NCAPG2: variants seen among roughly 807,000 people sequenced by gnomAD.
NCAPG2 encodes condensin-2 complex subunit G2.
In NCAPG2, 53 loss-of-function variants were observed where a neutral mutation model predicts 141.1. The observed-to-expected ratio is 0.38, with a 90% CI of 0.30 to 0.47. The LOEUF is 0.47. NCAPG2 is among the 20% of genes least tolerant of loss of function. The probability of loss-of-function intolerance (pLI) is 0.99; values close to 1 mark genes in which losing one functional copy is unlikely to be tolerated. For missense variants in NCAPG2, 1,087 were observed against 1,389.0 expected (o/e 0.78, Z 3.46); for synonymous variants, 499 against 490.7 (o/e 1.02, Z -0.22).
intron 24 of NCAPG2, among the ~76,000 whole-genome samples, chr7:158,648,846 G>A (rs1016932246): frequency 6.6e-6 from 1 of 151,796 alleles, no homozygotes; most frequent in African/African-American, 2.4e-5. Context: ...CTACAACCAC[G>A]GCAAATGGAC....
In NCAPG2 at chr7:158,664,203, C is replaced by A. The variant is rs777505338; in HGVS notation, c.1796G>T (p.Arg599Met). 1.9e-6 allele frequency: 3 copies of A among 1,611,320 alleles called. No homozygotes were observed. The highest frequency in any genetic ancestry group is 2.5e-6 in the Non-Finnish European group (3 of 1,177,520). The change falls in exon 15 of 28, where the codon AGG becomes ATG. Residue 599 changes from arginine (R) to methionine (M), a missense_variant. Transcript: ENST00000356309. ...ACTCACAGTCACATTCTCCTTCTCC[C>A]TTCCGTCCTCTTCCTCCTCGTCCTC... is the stretch of plus-strand genomic sequence containing the variant. Reference protein sequence around the residue: ...PPEDEEEEDGREKENVTVLDK... With the variant: ...PPEDEEEEDGMEKENVTVLDK...
chr7:158,631,814 C>A, intron 27 of NCAPG2, 97 bp from the exon 28 acceptor site: 1 of 1,031,268 alleles, frequency 9.7e-7, no homozygotes, highest in Non-Finnish European at 1.5e-6. Context: ...TGGTTTGCAA[C>A]CATGCATTTA....
chr7:158,692,294 G>A (rs1157249629), intron 4 of NCAPG2, among the ~76,000 whole-genome samples: 4 of 146,064 alleles, frequency 2.7e-5, no homozygotes, highest in Non-Finnish European at 6.0e-5. Flanking sequence ...GCAACAGGGC[G>A]AGATTCTGTC....
chr7:158,663,384 T>C (rs1307538647), intron 15 of NCAPG2, among the ~76,000 whole-genome samples: 1 of 152,244 alleles, frequency 6.6e-6, no homozygotes, highest in Non-Finnish European at 1.5e-5. Context: ...ATCTATTTCC[T>C]GTATGTTTTT....
chr7:158,687,450 T>C lies in NCAPG2; in HGVS notation c.673-8A>G. 1.3e-6 allele frequency: 2 copies of C among 1,569,492 alleles called. No individual in the cohort carries two copies. Among genetic ancestry groups the C allele is most frequent in the Non-Finnish European group, 1.7e-6 (2 of 1,151,664 alleles). On this transcript the variant is annotated splice_region_variant and splice_polypyrimidine_tract_variant and intron_variant, in intron 6 of 27. Transcript: ENST00000356309. ...ACTAAGAAATCTTCTTCCCTAGAAA[T>C]AAAAAAGGATAGAATGTTTACATTG... is the stretch of plus-strand genomic sequence containing the variant.
At chr7:158,648,400 A>G (rs1052151074) in intron 24 of NCAPG2, among the ~76,000 whole-genome samples, 2 of 152,242 alleles carry the variant, frequency 1.3e-5, no homozygotes, top group Non-Finnish European at 2.9e-5. Flanking sequence ...AAAGAAAAAA[A>G]AACAGAAAGA....
At position 158,660,398 on chromosome 7, in the gene NCAPG2, TTTC is replaced by T. The variant is rs917144386; in HGVS notation, c.1989+1793_1989+1795del. ...CTCAGTCCCAGGTCATTATTTCAGC[TTTC>T]TTTTTTTTTTTTTTTTTTTTTTTTT... On this transcript the variant is annotated intron_variant, in intron 16 of 27. Coordinates refer to ENST00000356309, the MANE Select transcript of NCAPG2 (RefSeq NM_017760.7). Among the ~76,000 whole-genome samples, 28 of 134,658 alleles carry T rather than the reference TTTC, an allele frequency of 2.1e-4. 1 individual carries two copies. In the East Asian group the frequency reaches 2.9e-3, roughly 14 times the overall value. 88.3% of individuals were successfully genotyped at this position (134,658 alleles called of 152,430 possible). A position where few individuals can be genotyped will look rare whatever the true frequency, so the allele number is the denominator to read the frequency against.
At position 158,643,244 on chromosome 7, in the gene NCAPG2, C is replaced by T. The variant is rs189141138; in HGVS notation, c.3380+1045G>A. Among the ~76,000 whole-genome samples the T allele has an allele frequency of 3.4e-3, 512 of 151,804 alleles. 2 individuals are homozygous for T. Among genetic ancestry groups the T allele is most frequent in the Middle Eastern group, 0.01 (3 of 294 alleles). ...CTCCCAAAGTGCTGGGATTACAGGC[C>T]TAATTTTTGTATTTTTAGTAGAGAC... On this transcript the variant is annotated intron_variant, in intron 27 of 27. Transcript: ENST00000356309.
At chr7:158,675,761 T>C (rs1834010425) in intron 11 of NCAPG2, 105 bp from the exon 12 acceptor site, 3 of 1,201,702 alleles carry the variant, frequency 2.5e-6, no homozygotes, top group Non-Finnish European at 2.3e-6. Context: ...TAGAGAAACT[T>C]TGAGCATAGA....
chr7:158,641,574 A>C (rs909851327), intron 27 of NCAPG2: 17 of 617,914 alleles, frequency 2.8e-5, no homozygotes, highest in Non-Finnish European at 4.6e-5. Flanking sequence ...AAAAAAAAAA[A>C]GGAAATGAAT....
intron 26 of NCAPG2, among the ~76,000 whole-genome samples, chr7:158,644,767 T>C (rs1396627067): frequency 2.0e-5 from 3 of 152,146 alleles, no homozygotes; most frequent in African/African-American, 7.2e-5. Context: ...CTCCTGGTGG[T>C]GATCTCAATG....
In NCAPG2 at chr7:158,651,120, A is replaced by G. The variant is rs192668553; in HGVS notation, c.2935-148T>C. 98 of 793,870 alleles carry G rather than the reference A, an allele frequency of 1.2e-4. No individual in the cohort carries two copies. In the African/African-American group the frequency reaches 1.5e-3, roughly 12 times the overall value. 49.2% of individuals were successfully genotyped at this position (793,870 alleles called of 1,614,324 possible). A position where few individuals can be genotyped will look rare whatever the true frequency, so the allele number is the denominator to read the frequency against. ...TGTTTGCCTGCTACCAGTGCCCACTACATTCCACTCCCAGGCTGACTCAAA... is the reference window on the plus strand; with the variant it reads ...TGTTTGCCTGCTACCAGTGCCCACTGCATTCCACTCCCAGGCTGACTCAAA... On this transcript the variant is annotated intron_variant, in intron 23 of 27. Coordinates refer to ENST00000356309, the MANE Select transcript of NCAPG2 (RefSeq NM_017760.7).
intron 8 of NCAPG2, among the ~76,000 whole-genome samples, chr7:158,684,732 C>T (rs964140523): frequency 3.9e-5 from 6 of 152,172 alleles, no homozygotes; most frequent in African/African-American, 1.4e-4. Flanking sequence ...GTTTATTTTT[C>T]TGTAGAGACA....
At chr7:158,667,090 T>A in intron 13 of NCAPG2, 3 of 970,982 alleles carry the variant, frequency 3.1e-6, no homozygotes, top group Non-Finnish European at 3.7e-6. Flanking sequence ...TGTCATTCTG[T>A]AACCTTAACT....
intron 12 of NCAPG2, among the ~76,000 whole-genome samples, chr7:158,673,366 C>T (rs147480216): frequency 5.4e-4 from 82 of 152,306 alleles, no homozygotes; most frequent in African/African-American, 1.9e-3. Context: ...GCACTCACCC[C>T]AGCTGTCCTG....
At chr7:158,701,593 C>T (rs571445155) in intron 2 of NCAPG2, among the ~76,000 whole-genome samples, 2 of 152,292 alleles carry the variant, frequency 1.3e-5, no homozygotes, top group South Asian at 4.1e-4. Context: ...GGGTCCTTTC[C>T]CCCAACATCC....
At chr7:158,648,289 C>T (rs1295057896) in intron 24 of NCAPG2, among the ~76,000 whole-genome samples, 1 of 151,128 alleles carries the variant, frequency 6.6e-6, no homozygotes, top group African/African-American at 2.4e-5. Flanking sequence ...GTGCTGAGAT[C>T]TCTAGAGAAA....
chr7:158,672,314 ATATATATATATATATTTTTTTTTTTT>A (rs1833770699), intron 12 of NCAPG2, among the ~76,000 whole-genome samples: 1 of 34,374 alleles, frequency 2.9e-5, no homozygotes, highest in African/African-American at 1.0e-4. Context: ...ATATATATAT[ATATATATATATATATTTTTTTTTTTT>A]TTTTTTTTTT....
intron 11 of NCAPG2, among the ~76,000 whole-genome samples, chr7:158,676,156 G>A (rs532128982): frequency 1.3e-5 from 2 of 152,234 alleles, no homozygotes; most frequent in Admixed American, 1.3e-4. Flanking sequence ...ATAATCTCAC[G>A]AAACAAAATC....
Sources: allele counts gnomAD v4.1 joint callset (sites outside exome capture counted in the v4.1 genomes callset), GRCh38; gene constraint gnomAD v4.1.1; transcripts MANE v1.5; gene names NCBI Gene and HGNC (gene_info 2026-07-23, HGNC 2026-07-21).